Variants in CYP46A1 observed in about 807,000 individuals in gnomAD.
CYP46A1 encodes the protein cholesterol 24-hydroxylase.
CYP46A1 carries 20 observed loss-of-function variants against 63.3 expected under a neutral mutation model. The observed-to-expected ratio is 0.32, with a 90% CI of 0.22 to 0.46. The LOEUF (loss-of-function observed/expected upper bound fraction) is 0.46, where lower values mean the gene tolerates loss of function less well. Among genes scored for constraint, CYP46A1 ranks in the 20% least tolerant of loss-of-function variants. The probability of loss-of-function intolerance (pLI) is 1.00; values close to 1 mark genes in which losing one functional copy is unlikely to be tolerated. For missense variants in CYP46A1, 445 were observed against 670.8 expected, an observed-to-expected ratio of 0.66 and a Z score of 3.72; for synonymous variants, 268 against 273.6, an observed-to-expected ratio of 0.98 and a Z score of 0.20.
intron 7 of CYP46A1, 103 bp from the exon 8 acceptor site, chr14:99,715,707 C>A (rs2056781873): frequency 6.7e-7 from 1 of 1,496,568 alleles, no homozygotes; most frequent in Non-Finnish European, 9.2e-7. Context: ...CTACTGACCT[C>A]CCAGCTTGCC....
chr14:99,691,932 C>T (rs1380033781), intron 3 of CYP46A1, 71 bp downstream of exon 3: 1 of 1,481,648 alleles, frequency 6.7e-7, no homozygotes, highest in Non-Finnish European at 9.4e-7. Flanking sequence ...AAGCCTGGTC[C>T]CAGAGACTTT....
intron 3 of CYP46A1, among the ~76,000 whole-genome samples, chr14:99,696,983 G>A (rs1385006968): frequency 2.0e-5 from 3 of 152,222 alleles, no homozygotes; most frequent in African/African-American, 7.2e-5. Context: ...CTACTGCTAA[G>A]GAGTGACCAT....
chr14:99,718,723 G>C (rs1282518118), intron 10 of CYP46A1, among the ~76,000 whole-genome samples: 1 of 152,132 alleles, frequency 6.6e-6, no homozygotes, highest in Non-Finnish European at 1.5e-5. Flanking sequence ...GGCTGGGTGG[G>C]AGCTCTGGGG....
intron 6 of CYP46A1, among the ~76,000 whole-genome samples, 195 bp downstream of exon 6, chr14:99,706,980 G>C (rs1169419058): frequency 6.6e-6 from 1 of 152,238 alleles, no homozygotes; most frequent in Non-Finnish European, 1.5e-5. Flanking sequence ...ATTGGGGCTA[G>C]TAACTCATTC....
Position 99,721,943 on chromosome 14 carries a change from G to T in CYP46A1, c.1066-13G>T, listed in dbSNP as rs2056851360. The T allele has an allele frequency of 1.2e-6, 2 of 1,607,186 alleles. No individual in the cohort carries two copies. The highest frequency in any genetic ancestry group is 1.7e-6 in the Non-Finnish European group (2 of 1,174,414). ...CCGACTCTCCTTGTTATCTCCCCTT[G>T]TGGCTTCTCTAGGTCCTCAAAGAGT... On this transcript the variant is annotated splice_polypyrimidine_tract_variant and intron_variant, in intron 11 of 14. Transcript: ENST00000261835.
chr14:99,721,891 G>T, intron 11 of CYP46A1, 65 bp from the exon 12 acceptor site: 1 of 1,386,190 alleles, frequency 7.2e-7, no homozygotes, highest in South Asian at 1.2e-5. Flanking sequence ...CAGGCATGCC[G>T]CCGGCCGGCA....
Position 99,718,135 on chromosome 14 carries a change from G to C in CYP46A1, c.980+9G>C. On this transcript the variant is annotated intron_variant, in intron 10 of 14. Coordinates refer to ENST00000261835, the MANE Select transcript of CYP46A1 (RefSeq NM_006668.2). ...CCAGAGATCGTGGCAAGGTATGGGG[G>C]CTGCTCTTGGGGCTGGCAAAGAGGT... is the stretch of plus-strand genomic sequence containing the variant. 6.2e-7 allele frequency: 1 copy of C among 1,613,216 alleles called. No individual in the cohort carries two copies. Among genetic ancestry groups the C allele is most frequent in the East Asian group, 2.2e-5 (1 of 44,848 alleles).
At chr14:99,717,429 G>T (rs2056800615) in intron 9 of CYP46A1, among the ~76,000 whole-genome samples, 1 of 152,112 alleles carries the variant, frequency 6.6e-6, no homozygotes, top group African/African-American at 2.4e-5. Context: ...GGCCAGGGCT[G>T]CTGTGTTCTC....
chr14:99,705,558 T>C (rs2140124145), intron 5 of CYP46A1, among the ~76,000 whole-genome samples: 1 of 152,340 alleles, frequency 6.6e-6, no homozygotes, highest in East Asian at 1.9e-4. Flanking sequence ...ATTTCAAATT[T>C]TCAGATACGT....
At chr14:99,715,179 T>A (rs1457412001) in intron 7 of CYP46A1, among the ~76,000 whole-genome samples, 1 of 152,224 alleles carries the variant, frequency 6.6e-6, no homozygotes, top group Non-Finnish European at 1.5e-5. Context: ...ATGTTTGAGG[T>A]GATGAATATC....
intron 10 of CYP46A1, among the ~76,000 whole-genome samples, chr14:99,720,945 C>T (rs1374953951): frequency 2.0e-5 from 3 of 151,906 alleles, no homozygotes; most frequent in East Asian, 2.0e-4. Flanking sequence ...ATTAGCTGAG[C>T]GTGCTGGTGG....
In CYP46A1 at chr14:99,722,119, G is replaced by A. The variant is rs1482410617; in HGVS notation, c.1176+53G>A. On this transcript the variant is annotated intron_variant, in intron 12 of 14. Coordinates refer to ENST00000261835, the MANE Select transcript of CYP46A1 (RefSeq NM_006668.2). The surrounding 1 kb of genome is among the most constrained non-coding windows in gnomAD (Gnocchi z 4.6). The stretch of plus-strand genomic sequence containing the variant: ...GTGGGCTGGGCTGCTTGCCCCAATG[G>A]TGGTGAATTTGGGACTCACCAGGGG... 2.1e-6 allele frequency: 3 copies of A among 1,426,850 alleles called. No homozygotes were observed. Among genetic ancestry groups the A allele is most frequent in the Admixed American group, 3.4e-5 (2 of 58,704 alleles). 88.4% of individuals were successfully genotyped at this position (1,426,850 alleles called of 1,614,324 possible).
intron 3 of CYP46A1, among the ~76,000 whole-genome samples, chr14:99,696,882 T>C (rs142147670): frequency 1.9e-4 from 29 of 152,380 alleles, no homozygotes; most frequent in African/African-American, 7.0e-4. Flanking sequence ...ATAAAGTTAC[T>C]TGCAGATCAG....
chr14:99,694,371 CTTT>C (rs74872295), intron 3 of CYP46A1, among the ~76,000 whole-genome samples: 3 of 86,294 alleles, frequency 3.5e-5, no homozygotes, highest in African/African-American at 4.3e-5. Context: ...TTTGGGTTTT[CTTT>C]TTTTTTTTTT....
intron 5 of CYP46A1, among the ~76,000 whole-genome samples, chr14:99,704,763 T>C (rs71422785): frequency 0.017 from 2,583 of 152,284 alleles, 41 homozygotes; most frequent in Middle Eastern, 0.037. Context: ...TGAGAAAAAG[T>C]CAAGGGTGCT....
chr14:99,695,256 A>G lies in CYP46A1; in HGVS notation c.282+3395A>G, dbSNP rs139714620. 2.2e-3 allele frequency among the ~76,000 whole-genome samples: 340 copies of G among 152,320 alleles called. 1 individual carries two copies. Among genetic ancestry groups the G allele is most frequent in the African/African-American group, 7.7e-3 (320 of 41,574 alleles). On this transcript the variant is annotated intron_variant, in intron 3 of 14. Coordinates refer to ENST00000261835, the MANE Select transcript of CYP46A1 (RefSeq NM_006668.2). ...GTTAATGAACCCTTAAAAAGAGTGT[A>G]TGTTGTGTTATTGTTGAATAAAGTG...
intron 3 of CYP46A1, among the ~76,000 whole-genome samples, chr14:99,698,463 T>C (rs8010253): frequency 0.67 from 101,815 of 152,098 alleles, 34,372 homozygotes; most frequent in East Asian, 0.79. Flanking sequence ...CGCAGCCAGG[T>C]GTGGTGGCTC....
intron 12 of CYP46A1, among the ~76,000 whole-genome samples, chr14:99,724,358 G>C (rs11847180): frequency 0.012 from 1,830 of 152,192 alleles, 35 homozygotes; most frequent in African/African-American, 0.042. Context: ...GCCTCCTCCA[G>C]CATCCATCCA....
In CYP46A1 at chr14:99,706,401, A is replaced by G. The variant is rs2056676251; in HGVS notation, c.444-246A>G. 13 of 470,876 alleles carry G rather than the reference A, an allele frequency of 2.8e-5. 1 individual carries two copies. The South Asian group carries it at 3.4e-4, about 12-fold the overall frequency. 29.2% of individuals were successfully genotyped at this position (470,876 alleles called of 1,614,324 possible). A position where few individuals can be genotyped will look rare whatever the true frequency, so the allele number is the denominator to read the frequency against. ...ACAGTGACCAACAGAGTACCTGTGG[A>G]ACTGTTAGGACAAGAGCAAGGGAAC... On this transcript the variant is annotated intron_variant, in intron 5 of 14. Transcript: ENST00000261835.
Sources: allele counts gnomAD v4.1 joint callset (sites outside exome capture counted in the v4.1 genomes callset), GRCh38; gene constraint gnomAD v4.1.1; non-coding constraint Gnocchi (gnomAD v3.1); transcripts MANE v1.5; gene names NCBI Gene and HGNC (gene_info 2026-07-23, HGNC 2026-07-21).